Variants in LRRFIP2 observed in about 807,000 individuals in gnomAD.
The protein encoded by LRRFIP2 is LRR binding FLII interacting protein 2, also known as leucine-rich repeat flightless-interacting protein 2.
Under a neutral mutation model 125.9 loss-of-function variants are expected in LRRFIP2, and 109 were observed. The observed-to-expected ratio is 0.87, with a 90% CI of 0.74 to 1.01. LRRFIP2 has a LOEUF of 1.01. Ranked by LOEUF, LRRFIP2 falls within the 50% of genes least tolerant of loss-of-function variation. LRRFIP2 has a pLI of 0.00. For missense variants in LRRFIP2, 850 were observed against 862.3 expected, an observed-to-expected ratio of 0.99 and a Z score of 0.18; for synonymous variants, 291 against 293.1, an observed-to-expected ratio of 0.99 and a Z score of 0.07.
intron 21 of LRRFIP2, chr3:37,067,891 T>TAA (rs2090447974): frequency 6.6e-6 from 1 of 152,184 alleles, no homozygotes; most frequent in African/African-American, 2.4e-5. Flanking sequence ...AATAGTTTTT[T>TAA]AAATATCACA....
At chr3:37,135,904 A>G (rs2095545159) in intron 2 of LRRFIP2, among the ~76,000 whole-genome samples, 1 of 152,220 alleles carries the variant, frequency 6.6e-6, no homozygotes, top group Non-Finnish European at 1.5e-5. Context: ...CTCAAAAGTT[A>G]AACACAGTGA....
Position 37,151,518 on chromosome 3 carries a change from G to C in LRRFIP2, c.-55-2480C>G, listed in dbSNP as rs1171576155. On this transcript the variant is annotated intron_variant, in intron 1 of 27. Transcript: ENST00000336686. ...TTAAAGATTATTCACTTACCTAATA[G>C]TAACAGTGTATACATTGCTGGTGGA... Among the ~76,000 whole-genome samples the C allele has an allele frequency of 2.6e-5, 4 of 151,890 alleles. No individual in the cohort carries two copies. In the East Asian group the frequency reaches 7.7e-4, roughly 29 times the overall value.
chr3:37,110,937 A>G (rs1177032201), intron 9 of LRRFIP2, 54 bp downstream of exon 9: 2 of 1,525,248 alleles, frequency 1.3e-6, no homozygotes, highest in African/African-American at 2.7e-5. Context: ...TGGGGAGATT[A>G]GAAATATGTT....
intron 21 of LRRFIP2, among the ~76,000 whole-genome samples, chr3:37,071,849 CCAAT>C (rs2091247113): frequency 6.6e-6 from 1 of 152,108 alleles, no homozygotes; most frequent in Non-Finnish European, 1.5e-5. Context: ...GATGGGACTG[CCAAT>C]CAAAGGCCAC....
intron 4 of LRRFIP2, among the ~76,000 whole-genome samples, chr3:37,124,397 A>C (rs890616670): frequency 1.4e-4 from 21 of 152,240 alleles, no homozygotes; most frequent in Admixed American, 7.9e-4. Flanking sequence ...AGAGCCTGCT[A>C]AGTAGGACCA....
At chr3:37,129,891 G>A (rs145739394) in intron 2 of LRRFIP2, among the ~76,000 whole-genome samples, 1,635 of 152,290 alleles carry the variant, frequency 0.011, 17 homozygotes, top group Non-Finnish European at 0.019. Flanking sequence ...TACTTGGGTG[G>A]CTGAGACAGG....
intron 1 of LRRFIP2, among the ~76,000 whole-genome samples, chr3:37,165,730 C>G (rs143671782): frequency 6.8e-6 from 1 of 146,094 alleles, no homozygotes; most frequent in African/African-American, 2.5e-5. Flanking sequence ...CACTCTAGCC[C>G]GGGCAACAAG....
At chr3:37,080,836 T>A (rs2149010157) in intron 19 of LRRFIP2, among the ~76,000 whole-genome samples, 1 of 152,264 alleles carries the variant, frequency 6.6e-6, no homozygotes, top group Non-Finnish European at 1.5e-5. Context: ...TTCTAAGGTG[T>A]GAAACTTACC....
chr3:37,065,711 G>C, intron 23 of LRRFIP2, 99 bp downstream of exon 23: 8 of 1,446,688 alleles, frequency 5.5e-6, no homozygotes, highest in Non-Finnish European at 7.8e-6. Context: ...TTGAGTCTCA[G>C]CCCTTATGCT....
chr3:37,140,022 TG>T (rs1208680914), intron 2 of LRRFIP2, among the ~76,000 whole-genome samples: 1 of 152,244 alleles, frequency 6.6e-6, no homozygotes, highest in Admixed American at 6.5e-5. Flanking sequence ...CTGTCTTTTC[TG>T]GACTTTCAAT....
Position 37,115,038 on chromosome 3 carries a change from G to C in LRRFIP2, c.372+16C>G. 1 of 1,588,538 alleles carries C rather than the reference G, an allele frequency of 6.3e-7. No homozygotes were observed. On this transcript the variant is annotated intron_variant, in intron 7 of 27. Transcript: ENST00000336686. Reference sequence around the variant, plus strand: ...AGTAAAATTCCACATATAACACAAAGTCATGTGCTACATACTAATGATGAA... The same window carrying C: ...AGTAAAATTCCACATATAACACAAACTCATGTGCTACATACTAATGATGAA...
At chr3:37,132,499 C>A (rs1166524518) in intron 2 of LRRFIP2, among the ~76,000 whole-genome samples, 3 of 152,204 alleles carry the variant, frequency 2.0e-5, no homozygotes, top group Non-Finnish European at 4.4e-5. Context: ...CAGAGACACA[C>A]AAACACCCTT....
At chr3:37,083,016 G>A (rs1275214848) in intron 19 of LRRFIP2, among the ~76,000 whole-genome samples, 1 of 152,038 alleles carries the variant, frequency 6.6e-6, no homozygotes, top group Non-Finnish European at 1.5e-5. Flanking sequence ...CCTTCAAAAA[G>A]TCTAAAACAT....
chr3:37,105,112 T>C (rs1431711784), intron 14 of LRRFIP2, among the ~76,000 whole-genome samples: 1 of 152,246 alleles, frequency 6.6e-6, no homozygotes, highest in Non-Finnish European at 1.5e-5. Flanking sequence ...ATGAGTTTTA[T>C]ACAATATGGA....
chr3:37,100,350 G>GTA (rs199911064), intron 15 of LRRFIP2, among the ~76,000 whole-genome samples: 1,879 of 145,386 alleles, frequency 0.013, 22 homozygotes, highest in African/African-American at 0.047. Context: ...GTATGTATGC[G>GTA]TATATATATA....
chr3:37,133,053 G>C (rs780067703), intron 2 of LRRFIP2, among the ~76,000 whole-genome samples: 1 of 151,760 alleles, frequency 6.6e-6, no homozygotes, highest in Non-Finnish European at 1.5e-5. Context: ...GCGAAATCCC[G>C]TCTCTACTAA....
chr3:37,139,401 C>A (rs1046325671), intron 2 of LRRFIP2, among the ~76,000 whole-genome samples: 1 of 152,202 alleles, frequency 6.6e-6, no homozygotes, highest in Non-Finnish European at 1.5e-5. Context: ...GAAAAAGTTT[C>A]TCTGCAAGAC....
intron 18 of LRRFIP2, among the ~76,000 whole-genome samples, chr3:37,085,723 A>T (rs2092999138): frequency 6.6e-6 from 1 of 151,672 alleles, no homozygotes; most frequent in Non-Finnish European, 1.5e-5. Flanking sequence ...CTGGAATTAC[A>T]GGCACACATC....
At chr3:37,168,848 T>C (rs2096546022) in intron 1 of LRRFIP2, among the ~76,000 whole-genome samples, 1 of 152,186 alleles carries the variant, frequency 6.6e-6, no homozygotes, top group Admixed American at 6.6e-5. Context: ...GATGTGCTCA[T>C]AGCACACTAC....
Sources: gnomAD v4.1 joint callset for allele counts (sites outside exome capture counted in the v4.1 genomes callset) on GRCh38, gnomAD v4.1.1 for gene constraint, MANE v1.5 for transcripts, NCBI Gene and HGNC (gene_info 2026-07-23, HGNC 2026-07-21) for gene names.